LRP1B: variants seen among roughly 807,000 people sequenced by gnomAD.
The protein encoded by LRP1B is LDL receptor related protein 1B.
In LRP1B, 217 loss-of-function variants were observed where a neutral mutation model predicts 556.6. The observed-to-expected ratio is 0.39, with a 90% CI of 0.35 to 0.44. LRP1B has a LOEUF of 0.44. Ranked by LOEUF, LRP1B falls within the 20% of genes least tolerant of loss-of-function variation. LRP1B has a pLI of 1.00. For synonymous variants in LRP1B, 2,047 were observed against 1,865.8 expected, an observed-to-expected ratio of 1.10 and a Z score of -2.50; for missense variants, 5,053 against 5,620.8, an observed-to-expected ratio of 0.90 and a Z score of 3.23.
intron 6 of LRP1B, among the ~76,000 whole-genome samples, chr2:141,197,436 T>C (rs1366955250): frequency 6.6e-6 from 1 of 152,122 alleles, no homozygotes; most frequent in African/African-American, 2.4e-5. Flanking sequence ...TGTCCGAAAT[T>C]GTCTCACATA....
intron 43 of LRP1B, among the ~76,000 whole-genome samples, chr2:140,574,219 T>A (rs917703549): frequency 3.3e-5 from 5 of 152,160 alleles, no homozygotes; most frequent in Admixed American, 6.5e-5. Flanking sequence ...TCATTTATTT[T>A]AAAATTTTAG....
At chr2:141,710,815 G>A (rs1370329) in intron 2 of LRP1B, among the ~76,000 whole-genome samples, 2 of 152,024 alleles carry the variant, frequency 1.3e-5, no homozygotes, top group South Asian at 2.1e-4. Context: ...AGGTCATCTC[G>A]ACATTCATTA....
intron 1 of LRP1B, among the ~76,000 whole-genome samples, chr2:141,879,712 G>C (rs1304225230): frequency 6.6e-6 from 1 of 151,878 alleles, no homozygotes; most frequent in South Asian, 2.1e-4. Flanking sequence ...AAGAAAAATA[G>C]AGTCATCTGG....
At chr2:141,789,786 G>A (rs1695551334) in intron 2 of LRP1B, among the ~76,000 whole-genome samples, 1 of 151,834 alleles carries the variant, frequency 6.6e-6, no homozygotes, top group South Asian at 2.1e-4. Flanking sequence ...TTTGCAATGA[G>A]GTGGTCTAAT....
intron 1 of LRP1B, among the ~76,000 whole-genome samples, chr2:141,976,875 A>T (rs570371494): frequency 6.6e-6 from 1 of 152,310 alleles, no homozygotes; most frequent in East Asian, 1.9e-4. Context: ...GGAAGATAAA[A>T]GAACTGTTAT....
intron 45 of LRP1B, 93 bp downstream of exon 45, chr2:140,540,880 G>T: frequency 1.5e-6 from 2 of 1,356,002 alleles, no homozygotes; most frequent in Non-Finnish European, 2.0e-6. Flanking sequence ...TTAGAAGAGA[G>T]TATAACTTCA....
At chr2:140,326,228 T>C (rs538851747) in intron 79 of LRP1B, among the ~76,000 whole-genome samples, 1 of 152,238 alleles carries the variant, frequency 6.6e-6, no homozygotes, top group Non-Finnish European at 1.5e-5. Flanking sequence ...CTTCATATTA[T>C]ATGGAGAATG....
chr2:142,079,178 T>A (rs1156298099), intron 1 of LRP1B, among the ~76,000 whole-genome samples: 3 of 152,188 alleles, frequency 2.0e-5, no homozygotes, highest in African/African-American at 4.8e-5. Flanking sequence ...TTCAGCACAC[T>A]ATTGATGCTA....
chr2:141,850,079 T>G (rs1469737386), intron 1 of LRP1B, among the ~76,000 whole-genome samples: 1 of 151,790 alleles, frequency 6.6e-6, no homozygotes, highest in Non-Finnish European at 1.5e-5. Flanking sequence ...CACCTGGGTT[T>G]ACCTGACACC....
chr2:142,120,405 C>T (rs926319825), intron 1 of LRP1B, among the ~76,000 whole-genome samples: 2 of 152,192 alleles, frequency 1.3e-5, no homozygotes, highest in African/African-American at 4.8e-5. Flanking sequence ...AGCCACCATG[C>T]CCGGCCTTTA....
rs529722014 is a variant in LRP1B, at chr2:141,245,984, C to T, written c.592+1242G>A. ...GCAATGATCAGTACTGAGTAAATAA[C>T]AGTAAACAAATCCAACAAGTTCTGT... On this transcript the variant is annotated intron_variant, in intron 5 of 90. Transcript: ENST00000389484. Among the ~76,000 whole-genome samples the T allele has an allele frequency of 2.5e-3, 379 of 152,128 alleles. 2 individuals carry two copies. Among genetic ancestry groups the T allele is most frequent in the Non-Finnish European group, 3.8e-3 (256 of 67,980 alleles).
At chr2:141,762,237 G>C (rs1456184451) in intron 2 of LRP1B, among the ~76,000 whole-genome samples, 1 of 151,794 alleles carries the variant, frequency 6.6e-6, no homozygotes. Flanking sequence ...GGCCACTGTT[G>C]AGTATTTCAA....
chr2:141,370,863 G>A (rs781620732), intron 3 of LRP1B, among the ~76,000 whole-genome samples: 68 of 152,056 alleles, frequency 4.5e-4, no homozygotes, highest in Non-Finnish European at 9.4e-4. Context: ...TCCTGCATAC[G>A]GCAGTCCATT....
intron 75 of LRP1B, among the ~76,000 whole-genome samples, chr2:140,353,929 C>A (rs1054562513): frequency 6.6e-6 from 1 of 151,992 alleles, no homozygotes; most frequent in Non-Finnish European, 1.5e-5. Flanking sequence ...CAAGCAAAAT[C>A]TGCATGCCTA....
intron 2 of LRP1B, among the ~76,000 whole-genome samples, chr2:141,518,818 C>T (rs1417340440): frequency 4.6e-5 from 7 of 152,036 alleles, no homozygotes; most frequent in African/African-American, 1.7e-4. Context: ...GGTGTGGTGG[C>T]GGGCGCCTGT....
chr2:140,989,072 GA>G (rs1012013598), intron 17 of LRP1B, among the ~76,000 whole-genome samples: 1 of 151,948 alleles, frequency 6.6e-6, no homozygotes, highest in South Asian at 2.1e-4. Context: ...ATTTCATGGG[GA>G]AAAAAACCTA....
At chr2:141,193,715 G>A (rs554372224) in intron 6 of LRP1B, among the ~76,000 whole-genome samples, 3 of 148,550 alleles carry the variant, frequency 2.0e-5, no homozygotes, top group South Asian at 2.1e-4. Flanking sequence ...CTTGTACCCC[G>A]AACCTAAAAT....
intron 2 of LRP1B, among the ~76,000 whole-genome samples, chr2:141,786,725 C>T (rs1426688279): frequency 6.6e-6 from 1 of 151,716 alleles, no homozygotes; most frequent in East Asian, 1.9e-4. Context: ...TCTTGATCAA[C>T]CAAAAAAAGC....
intron 1 of LRP1B, among the ~76,000 whole-genome samples, chr2:142,010,773 C>G (rs1702938826): frequency 6.6e-6 from 1 of 152,142 alleles, no homozygotes; most frequent in Non-Finnish European, 1.5e-5. Context: ...CAGCATCACC[C>G]AGGAATGACA....
Sources: gnomAD v4.1 joint callset for allele counts (sites outside exome capture counted in the v4.1 genomes callset) on GRCh38, gnomAD v4.1.1 for gene constraint, MANE v1.5 for transcripts, NCBI Gene and HGNC (gene_info 2026-07-23, HGNC 2026-07-21) for gene names.